PLEKHF2: variants seen among roughly 807,000 people sequenced by gnomAD.
PLEKHF2 encodes pleckstrin homology and FYVE domain containing 2, also known as pleckstrin homology domain-containing family F member 2.
Under a neutral mutation model 14.7 loss-of-function variants are expected in PLEKHF2, and 4 were observed. The observed-to-expected ratio is 0.27, with a 90% CI of 0.13 to 0.62. The LOEUF (loss-of-function observed/expected upper bound fraction) is 0.62. Ranked by LOEUF, PLEKHF2 falls within the 20% of genes least tolerant of loss-of-function variation. The pLI is 0.85. For synonymous variants in PLEKHF2, 90 were observed against 103.5 expected (o/e 0.87, Z 0.79); for missense variants, 201 against 307.7 (o/e 0.65, Z 2.60).
intron 1 of PLEKHF2, among the ~76,000 whole-genome samples, chr8:95,151,883 C>T (rs985113336): frequency 4.6e-5 from 7 of 151,886 alleles, no homozygotes; most frequent in Admixed American, 3.9e-4. Context: ...TATTTTTTAA[C>T]TTTATGTTGT....
At chr8:95,138,952 G>T (rs1810409142) in intron 1 of PLEKHF2, among the ~76,000 whole-genome samples, 1 of 152,156 alleles carries the variant, frequency 6.6e-6, no homozygotes, top group Admixed American at 6.5e-5. Flanking sequence ...ACTTTCTAAA[G>T]CATTTCTATT....
intron 1 of PLEKHF2, among the ~76,000 whole-genome samples, chr8:95,145,431 G>A (rs1321999928): frequency 1.3e-5 from 2 of 151,646 alleles, no homozygotes; most frequent in African/African-American, 4.8e-5. Flanking sequence ...ACTAAATTTT[G>A]AAATATTTCT....
intron 1 of PLEKHF2, among the ~76,000 whole-genome samples, chr8:95,145,641 G>T (rs554822363): frequency 2.6e-5 from 4 of 152,136 alleles, no homozygotes; most frequent in East Asian, 1.9e-4. Context: ...AGCCAGGATG[G>T]TCTCGATCTC....
chr8:95,139,256 C>G (rs186491236), intron 1 of PLEKHF2, among the ~76,000 whole-genome samples: 4 of 152,286 alleles, frequency 2.6e-5, no homozygotes, highest in African/African-American at 9.6e-5. Flanking sequence ...GTAATCCCAG[C>G]CCTTTGTGAG....
rs1262947615 is a variant in PLEKHF2 at position 95,154,482 on chromosome 8, T to A, written c.438T>A (p.Ala146=). The A allele has an allele frequency of 6.2e-7, 1 of 1,614,170 alleles. No homozygotes were observed. Among genetic ancestry groups the A allele is most frequent in the Non-Finnish European group, 8.5e-7 (1 of 1,180,002 alleles). The change falls in exon 2 of 2, where the codon GCT becomes GCA. Residue 146 remains alanine (A), a synonymous_variant. Coordinates refer to ENST00000315367, the MANE Select transcript of PLEKHF2 (RefSeq NM_024613.4). The surrounding 1 kb of genome is among the most constrained non-coding windows in gnomAD (Gnocchi z 5.6). The part of the protein sequence containing the change: ...KSGKTPSNEH[A]AVWVPDSEAT... ...GGAAGACACCCAGTAATGAACATGC[T>A]GCTGTCTGGGTTCCTGACTCTGAGG...
chr8:95,137,272 T>G (rs576804784), intron 1 of PLEKHF2, among the ~76,000 whole-genome samples: 1 of 152,354 alleles, frequency 6.6e-6, no homozygotes, highest in Admixed American at 6.5e-5. Context: ...ATAGTAGCTA[T>G]TATTTTAACA....
intron 1 of PLEKHF2, among the ~76,000 whole-genome samples, chr8:95,142,262 A>G (rs141287778): frequency 1.3e-5 from 2 of 151,822 alleles, no homozygotes; most frequent in Non-Finnish European, 2.9e-5. Context: ...TAATTAATTA[A>G]TTTTTTTCTT....
At chr8:95,150,889 CTG>C (rs994873518) in intron 1 of PLEKHF2, among the ~76,000 whole-genome samples, 13 of 152,090 alleles carry the variant, frequency 8.5e-5, no homozygotes, top group Admixed American at 6.6e-4. Context: ...GCTTGTTCTG[CTG>C]TGACAGCCTT....
At position 95,154,387 on chromosome 8, in the gene PLEKHF2, A is replaced by G; in HGVS notation, c.343A>G (p.Thr115Ala). 6.2e-7 allele frequency: 1 copy of G among 1,614,148 alleles called. No homozygotes were observed. The highest frequency in any genetic ancestry group is 2.2e-5 in the East Asian group (1 of 44,894). ...TAAATCTTTTGCAGTTTATGCTGCC[A>G]CTGCTACGGAGAAATCAGAATGGAT... Reference protein sequence around the residue: ...PTKSFAVYAATATEKSEWMNH... With the variant: ...PTKSFAVYAAAATEKSEWMNH... The change falls in exon 2 of 2, where the codon ACT becomes GCT. Residue 115 changes from threonine (T) to alanine (A), a missense_variant. Coordinates refer to ENST00000315367, the MANE Select transcript of PLEKHF2 (RefSeq NM_024613.4). This position sits in a 1 kb window ranked among gnomAD's most constrained non-coding sequence, Gnocchi z 5.6.
At position 95,154,953 on chromosome 8, in the gene PLEKHF2, C is replaced by A; in HGVS notation, c.*159C>A. The stretch of plus-strand genomic sequence containing the variant: ...TCAATATATTCCATAGAAAGTAGGT[C>A]CCCCTGCCTTCTCCCACTCCTCACA... On this transcript the variant is annotated 3_prime_UTR_variant, in exon 2 of 2. Coordinates refer to ENST00000315367, the MANE Select transcript of PLEKHF2 (RefSeq NM_024613.4). The surrounding 1 kb of genome is among the most constrained non-coding windows in gnomAD (Gnocchi z 5.6). 1 of 807,180 alleles carries A rather than the reference C, an allele frequency of 1.2e-6. No individual in the cohort carries two copies. The highest frequency in any genetic ancestry group is 1.9e-6 in the Non-Finnish European group (1 of 513,306). 50.0% of individuals were successfully genotyped at this position (807,180 alleles called of 1,614,324 possible). A position where few individuals can be genotyped will look rare whatever the true frequency, so the allele number is the denominator to read the frequency against.
chr8:95,144,563 A>G (rs1810474450), intron 1 of PLEKHF2, among the ~76,000 whole-genome samples: 1 of 152,176 alleles, frequency 6.6e-6, no homozygotes, highest in Non-Finnish European at 1.5e-5. Context: ...TATAATGGAA[A>G]GAATATGCAT....
At chr8:95,142,521 C>G (rs1453157732) in intron 1 of PLEKHF2, among the ~76,000 whole-genome samples, 3 of 152,164 alleles carry the variant, frequency 2.0e-5, no homozygotes, top group African/African-American at 4.8e-5. Flanking sequence ...TCCCAAAGTG[C>G]TGGATTACAG....
At position 95,150,201 on chromosome 8, in the gene PLEKHF2, T is replaced by A. The variant is rs151245671; in HGVS notation, c.-14-3830T>A. Among the ~76,000 whole-genome samples the A allele has an allele frequency of 6.8e-4, 104 of 152,258 alleles. 1 individual carries two copies. Among genetic ancestry groups the A allele is most frequent in the African/African-American group, 2.4e-3 (101 of 41,562 alleles). On this transcript the variant is annotated intron_variant, in intron 1 of 1. Transcript: ENST00000315367. ...TCTCTCTCTTATATGTGTTTGTGTG[T>A]GTGTGCAGGGCAGCATTTATGTATT...
At chr8:95,138,477 G>A (rs972277688) in intron 1 of PLEKHF2, among the ~76,000 whole-genome samples, 1 of 149,924 alleles carries the variant, frequency 6.7e-6, no homozygotes, top group South Asian at 2.1e-4. Context: ...TTTATTACTT[G>A]TACATATAAC....
intron 1 of PLEKHF2, among the ~76,000 whole-genome samples, chr8:95,151,844 T>G (rs1364522753): frequency 6.6e-6 from 1 of 152,128 alleles, no homozygotes; most frequent in Non-Finnish European, 1.5e-5. Flanking sequence ...TTTCCAGAGA[T>G]AAATTACCAT....
At position 95,156,175 on chromosome 8, in the gene PLEKHF2, TAC is replaced by T. The variant is rs1351291874; in HGVS notation, c.*1383_*1384del. The T allele has an allele frequency of 6.0e-6, 1 of 167,078 alleles. No individual in the cohort carries two copies. Among genetic ancestry groups the T allele is most frequent in the Non-Finnish European group, 1.5e-5 (1 of 68,092 alleles). The allele number at this position is 167,078 out of a possible 1,614,324, so 10.3% of individuals were successfully genotyped here. A position where few individuals can be genotyped will look rare whatever the true frequency, so the allele number is the denominator to read the frequency against. On this transcript the variant is annotated 3_prime_UTR_variant, in exon 2 of 2. Transcript: ENST00000315367. Reference sequence around the variant, plus strand: ...TTTCCATTTATATGCTGCAAACAACTACAGTCTTTGAAATATGGAAAATCAGC... The same window carrying T: ...TTTCCATTTATATGCTGCAAACAACTAGTCTTTGAAATATGGAAAATCAGC...
Position 95,155,420 on chromosome 8 carries a change from C to G in PLEKHF2, c.*626C>G, listed in dbSNP as rs1810607024. The G allele has an allele frequency of 6.0e-6, 1 of 167,044 alleles. No individual in the cohort carries two copies. Among genetic ancestry groups the G allele is most frequent in the African/African-American group, 2.4e-5 (1 of 41,462 alleles). 10.3% of individuals were successfully genotyped at this position (167,044 alleles called of 1,614,324 possible). ...GGTGTAATTAGGAAATACTTCTCATCTGACAGCTACAAATAACTAAGTTTG... is the reference window on the plus strand; with the variant it reads ...GGTGTAATTAGGAAATACTTCTCATGTGACAGCTACAAATAACTAAGTTTG... On this transcript the variant is annotated 3_prime_UTR_variant, in exon 2 of 2. Transcript: ENST00000315367.
intron 1 of PLEKHF2, among the ~76,000 whole-genome samples, chr8:95,137,029 T>G (rs1223708402): frequency 6.6e-6 from 1 of 152,220 alleles, no homozygotes; most frequent in East Asian, 1.9e-4. Context: ...TAAAAGGCAT[T>G]CAAATAGTTG....
chr8:95,134,259 C>G (rs2132102440), intron 1 of PLEKHF2: 1 of 149,488 alleles, frequency 6.7e-6, no homozygotes, highest in East Asian at 2.0e-4. Flanking sequence ...CCGCCGCCGT[C>G]CCGCCAGCCC....
Sources: allele counts gnomAD v4.1 joint callset (sites outside exome capture counted in the v4.1 genomes callset), GRCh38; gene constraint gnomAD v4.1.1; non-coding constraint Gnocchi (gnomAD v3.1); transcripts MANE v1.5; gene names NCBI Gene and HGNC (gene_info 2026-07-23, HGNC 2026-07-21).